The following SEMA6D variants were observed in gnomAD, a reference collection of about 807,000 sequenced individuals.
SEMA6D encodes the protein semaphorin-6D.
In SEMA6D, 35 loss-of-function variants were observed where a neutral mutation model predicts 106.6. The ratio of observed to expected loss-of-function variants is 0.33; its 90% CI spans 0.25 to 0.44. SEMA6D has a LOEUF of 0.44. Ranked by LOEUF, SEMA6D falls within the 20% of genes least tolerant of loss-of-function variation. SEMA6D has a pLI of 1.00. For synonymous variants in SEMA6D, 499 were observed against 487.7 expected (o/e 1.02, Z -0.31); for missense variants, 1,185 against 1,345.9 (o/e 0.88, Z 1.87).
intron 3 of SEMA6D, among the ~76,000 whole-genome samples, chr15:47,541,280 A>C (rs1200942990): frequency 6.6e-6 from 1 of 152,232 alleles, no homozygotes; most frequent in African/African-American, 2.4e-5. Context: ...CACTACACTA[A>C]AAAATCAACA....
At chr15:47,633,862 T>C (rs1008462556) in intron 4 of SEMA6D, among the ~76,000 whole-genome samples, 2 of 152,178 alleles carry the variant, frequency 1.3e-5, no homozygotes, top group Non-Finnish European at 2.9e-5. Flanking sequence ...CTCTATTGAG[T>C]TGTCCTCAAG....
intron 3 of SEMA6D, among the ~76,000 whole-genome samples, chr15:47,591,553 G>A (rs959551005): frequency 1.3e-5 from 2 of 152,144 alleles, no homozygotes; most frequent in African/African-American, 4.8e-5. Context: ...AGTGTTCCAG[G>A]AGACCCAGGT....
At chr15:47,372,895 A>C (rs1286077592) in intron 1 of SEMA6D, among the ~76,000 whole-genome samples, 1 of 152,222 alleles carries the variant, frequency 6.6e-6, no homozygotes, top group East Asian at 1.9e-4. Flanking sequence ...GGAAAGAAAT[A>C]GAATCCAGAT....
chr15:47,328,446 G>A (rs998322504), intron 1 of SEMA6D, among the ~76,000 whole-genome samples: 4 of 152,160 alleles, frequency 2.6e-5, no homozygotes, highest in Admixed American at 6.5e-5. Context: ...AAAAGACAAA[G>A]CTTTCTTTAG....
chr15:47,440,080 G>A (rs2041836221), intron 2 of SEMA6D, among the ~76,000 whole-genome samples: 2 of 152,054 alleles, frequency 1.3e-5, no homozygotes, highest in South Asian at 4.1e-4. Context: ...GCAAAAAGAA[G>A]GATGGAAACC....
At chr15:47,732,359 T>A (rs915815719) in intron 1 of SEMA6D, among the ~76,000 whole-genome samples, 1 of 152,214 alleles carries the variant, frequency 6.6e-6, no homozygotes, top group Non-Finnish European at 1.5e-5. Flanking sequence ...CTTTGCTAGC[T>A]CCTTCCATGT....
chr15:47,331,656 G>A (rs2037348194), intron 1 of SEMA6D, among the ~76,000 whole-genome samples: 1 of 152,090 alleles, frequency 6.6e-6, no homozygotes, highest in Non-Finnish European at 1.5e-5. Flanking sequence ...ATCTTTGGAT[G>A]GTGTAATTAC....
chr15:47,233,945 A>G (rs140053295), intron 1 of SEMA6D, among the ~76,000 whole-genome samples: 1 of 152,086 alleles, frequency 6.6e-6, no homozygotes, highest in African/African-American at 2.4e-5. Flanking sequence ...AGGAACTCCA[A>G]TACAATGTTG....
chr15:47,547,087 A>AT (rs1330534003), intron 3 of SEMA6D, among the ~76,000 whole-genome samples: 3 of 151,880 alleles, frequency 2.0e-5, no homozygotes, highest in Middle Eastern at 6.8e-3. Flanking sequence ...AAATGACCCA[A>AT]TTTTTTTTAC....
chr15:47,263,954 A>G (rs924543684), intron 1 of SEMA6D, among the ~76,000 whole-genome samples: 2 of 151,854 alleles, frequency 1.3e-5, no homozygotes, highest in African/African-American at 2.4e-5. Context: ...CTTAATGCCC[A>G]TCAATGACAA....
At chr15:47,716,258 A>C (rs545547534), upstream of SEMA6D, among the ~76,000 whole-genome samples, 1 of 152,292 alleles carries the variant, frequency 6.6e-6, no homozygotes, top group Admixed American at 6.5e-5. Context: ...CACAGTGTTA[A>C]CTAGGGAGGA....
chr15:47,393,389 T>G (rs2040106218), intron 1 of SEMA6D: 1 of 152,148 alleles, frequency 6.6e-6, no homozygotes, highest in South Asian at 2.1e-4. Context: ...TCTGTGAAAG[T>G]CTTTGTGGGA....
chr15:47,693,459 G>C (rs1398586617), intron 4 of SEMA6D, among the ~76,000 whole-genome samples: 3 of 152,120 alleles, frequency 2.0e-5, no homozygotes, highest in Non-Finnish European at 2.9e-5. Flanking sequence ...GGAACAATTA[G>C]ATGGCTAAAT....
At chr15:47,536,298 T>G (rs1455149111) in intron 3 of SEMA6D, among the ~76,000 whole-genome samples, 1 of 152,064 alleles carries the variant, frequency 6.6e-6, no homozygotes, top group African/African-American at 2.4e-5. Flanking sequence ...ATTTGAGGAG[T>G]ATAGAAATAA....
At chr15:47,685,568 C>A (rs1052629931) in intron 4 of SEMA6D, among the ~76,000 whole-genome samples, 5 of 152,302 alleles carry the variant, frequency 3.3e-5, no homozygotes, top group Middle Eastern at 3.4e-3. Flanking sequence ...GGAGTTAACA[C>A]TTCTGCATTC....
intron 1 of SEMA6D, among the ~76,000 whole-genome samples, chr15:47,747,667 A>G (rs563243423): frequency 2.4e-4 from 36 of 152,272 alleles, no homozygotes; most frequent in Non-Finnish European, 4.6e-4. Context: ...CTTCTCTCCC[A>G]TAGTATCTAC....
At chr15:47,336,557 A>G (rs1051472450) in intron 1 of SEMA6D, among the ~76,000 whole-genome samples, 4 of 152,154 alleles carry the variant, frequency 2.6e-5, no homozygotes, top group Non-Finnish European at 5.9e-5. Flanking sequence ...AGCTACCCCT[A>G]TGATCGAAGG....
chr15:47,763,361 C>T (rs139642041), intron 9 of SEMA6D, among the ~76,000 whole-genome samples: 51 of 152,246 alleles, frequency 3.3e-4, no homozygotes, highest in African/African-American at 1.2e-3. Context: ...GAGTGTTCTA[C>T]AGGTACCCTT....
chr15:47,218,344 G>A (rs62013967), intron 1 of SEMA6D, among the ~76,000 whole-genome samples: 1,851 of 152,120 alleles, frequency 0.012, 43 homozygotes, highest in Admixed American at 0.012. Context: ...TACCACATGA[G>A]GCTCTGCTTC....
Sources: allele counts gnomAD v4.1 joint callset (sites outside exome capture counted in the v4.1 genomes callset), GRCh38; gene constraint gnomAD v4.1.1; transcripts MANE v1.5; gene names NCBI Gene and HGNC (gene_info 2026-07-23, HGNC 2026-07-21).